Variants in ZNF519 observed in about 807,000 individuals in gnomAD.
The protein encoded by ZNF519 is zinc finger protein 519, also known as similar to Zinc finger protein 85 (Zinc finger protein HPF4) (HTF1).
Under a neutral mutation model 7.4 loss-of-function variants are expected in ZNF519, and 7 were observed. The ratio of observed to expected loss-of-function variants is 0.94; its 90% confidence interval spans 0.54 to 1.77. The LOEUF (loss-of-function observed/expected upper bound fraction) is 1.77. ZNF519 is among the 40% of genes most tolerant of loss of function. The pLI, the probability that ZNF519 is intolerant of heterozygous loss-of-function variation, is 0.00. For synonymous variants in ZNF519, 179 were observed against 203.3 expected (o/e 0.88, Z 1.02); for missense variants, 586 against 623.1 (o/e 0.94, Z 0.63).
At chr18:14,088,354 T>C (rs2046100218) in intron 2 of ZNF519, among the ~76,000 whole-genome samples, 1 of 152,172 alleles carries the variant, frequency 6.6e-6, no homozygotes, top group Admixed American at 6.5e-5. Context: ...CCATAGTCAG[T>C]TCCCCTGATC....
chr18:14,121,071 T>TAAGGCAAACACAGA lies in ZNF519; in HGVS notation c.130+3265_130+3278dup, dbSNP rs1431679549. On this transcript the variant is annotated intron_variant, in intron 2 of 2. Transcript: ENST00000590202. ...CTGGAGGACATTATGCTAAATGAAA[T>TAAGGCAAACACAGA]AAGGCAAACACAGAAAGACAAACTG... 2.0e-5 allele frequency among the ~76,000 whole-genome samples: 3 copies of TAAGGCAAACACAGA among 152,044 alleles called. No homozygotes were observed. In the East Asian group the frequency reaches 5.8e-4, roughly 29 times the overall value.
chr18:14,115,741 T>C (rs1253021929), intron 2 of ZNF519, among the ~76,000 whole-genome samples: 3 of 152,114 alleles, frequency 2.0e-5, no homozygotes, highest in African/African-American at 7.2e-5. Flanking sequence ...AAGCAGAAAA[T>C]GTTGTTATAT....
intron 2 of ZNF519, among the ~76,000 whole-genome samples, chr18:14,107,615 A>C (rs1363114692): frequency 6.6e-6 from 1 of 152,122 alleles, no homozygotes; most frequent in Admixed American, 6.5e-5. Context: ...AAGAGCATCA[A>C]GTGGGCTCTT....
At chr18:14,119,051 G>C (rs956796473) in intron 2 of ZNF519, among the ~76,000 whole-genome samples, 2 of 152,092 alleles carry the variant, frequency 1.3e-5, no homozygotes, top group African/African-American at 4.8e-5. Context: ...CTCTACCCTA[G>C]TGCCTGCCAT....
Position 14,104,883 on chromosome 18 carries a change from G to C in ZNF519, c.*34C>G. ...TGAGTAAGGTGTGAGCACCAGTTTA[G>C]GGTTTTAGCACATTCTTTACACTTG... On this transcript the variant is annotated 3_prime_UTR_variant, in exon 3 of 3. Transcript: ENST00000590202. 8 of 1,489,414 alleles carry C rather than the reference G, an allele frequency of 5.4e-6. No homozygotes were observed. Among genetic ancestry groups the C allele is most frequent in the South Asian group, 3.0e-5 (2 of 65,700 alleles). The allele number at this position is 1,489,414 out of a possible 1,614,324, so 92.3% of individuals were successfully genotyped here.
At chr18:14,132,186 C>T in intron 1 of ZNF519, 89 bp downstream of exon 1, 2 of 1,508,842 alleles carry the variant, frequency 1.3e-6, no homozygotes, top group Non-Finnish European at 9.2e-7. Context: ...GCAGACTCGA[C>T]TCGCAGACTA....
chr18:14,130,926 C>G (rs138756769), intron 1 of ZNF519, among the ~76,000 whole-genome samples: 208 of 152,062 alleles, frequency 1.4e-3, no homozygotes, highest in African/African-American at 4.6e-3. Flanking sequence ...CTCTCACCCC[C>G]AGGGCATTCA....
chr18:14,111,183 A>AC (rs949180735), intron 2 of ZNF519, among the ~76,000 whole-genome samples: 1 of 151,214 alleles, frequency 6.6e-6, no homozygotes, highest in Non-Finnish European at 1.5e-5. Context: ...AAAAAAAAAA[A>AC]AAAAACCTTT....
chr18:14,130,326 G>C (rs1367942021), intron 1 of ZNF519, among the ~76,000 whole-genome samples: 1 of 152,012 alleles, frequency 6.6e-6, no homozygotes, highest in East Asian at 1.9e-4. Flanking sequence ...CTCTGATTTA[G>C]AATCTGATTT....
At chr18:14,107,258 A>G (rs552444845) in intron 2 of ZNF519, among the ~76,000 whole-genome samples, 12 of 152,306 alleles carry the variant, frequency 7.9e-5, no homozygotes, top group Admixed American at 4.6e-4. Flanking sequence ...GGATACCAGC[A>G]AGGCCACCAG....
chr18:14,080,323 T>TTG (rs1326066937), intron 3 of ZNF519: 1 of 90,802 alleles, frequency 1.1e-5, no homozygotes, highest in Non-Finnish European at 2.7e-5. Context: ...CAGTTTTTTT[T>TTG]TTTTTTTTTT....
chr18:14,108,614 TA>T (rs34504051), intron 2 of ZNF519, among the ~76,000 whole-genome samples: 1,821 of 134,846 alleles, frequency 0.014, 30 homozygotes, highest in African/African-American at 0.041. Context: ...GCTAAATGGA[TA>T]AAAAAAAAAA....
intron 3 of ZNF519, among the ~76,000 whole-genome samples, chr18:14,078,962 A>AT (rs1304017932): frequency 2.8e-4 from 43 of 152,328 alleles, no homozygotes; most frequent in Middle Eastern, 3.4e-3. Flanking sequence ...CCCAAAGCCA[A>AT]TTAAGAGGCA....
chr18:14,101,595 A>G lies in ZNF519; in HGVS notation c.*3322T>C, dbSNP rs2046161623. ...GCCAAGGCACAAAGTCCTGTGAGTC[A>G]TCAAGGTGGAGTCCTGGCAGAAGGC... is the stretch of plus-strand genomic sequence containing the variant. On this transcript the variant is annotated 3_prime_UTR_variant, in exon 3 of 3. Coordinates refer to ENST00000590202, the MANE Select transcript of ZNF519 (RefSeq NM_145287.4). 1 of 398,430 alleles carries G rather than the reference A, an allele frequency of 2.5e-6. No homozygotes were observed. The highest frequency in any genetic ancestry group is 4.4e-6 in the Non-Finnish European group (1 of 226,000). The allele number at this position is 398,430 out of a possible 1,614,324, so 24.7% of individuals were successfully genotyped here.
In ZNF519 at chr18:14,106,205, T is replaced by C. The variant is rs1445463151; in HGVS notation, c.335A>G (p.His112Arg). Residue 112 changes from histidine to arginine, a missense_variant, in exon 3 of 3, where the codon CAT becomes CGT. Coordinates refer to ENST00000590202, the MANE Select transcript of ZNF519 (RefSeq NM_145287.4). ...TTCTTTGTCTCCTTTCACAGTTAAATGTTTGTTATGACTAGTTGTCAAATA... is the reference window on the plus strand; with the variant it reads ...TTCTTTGTCTCCTTTCACAGTTAAACGTTTGTTATGACTAGTTGTCAAATA... ...SQYLTTSHNK[H>R]LTVKGDKEYR... 6.2e-7 allele frequency: 1 copy of C among 1,613,098 alleles called. No homozygotes were observed. The highest frequency in any genetic ancestry group is 8.5e-7 in the Non-Finnish European group (1 of 1,179,794).
intron 1 of ZNF519, among the ~76,000 whole-genome samples, chr18:14,128,524 T>C (rs528448537): frequency 6.6e-6 from 1 of 152,204 alleles, no homozygotes; most frequent in South Asian, 2.1e-4. Flanking sequence ...AAAAATAAAC[T>C]TCCCTCATCT....
intron 2 of ZNF519, among the ~76,000 whole-genome samples, chr18:14,113,856 TCTCA>T (rs1470928433): frequency 6.7e-6 from 1 of 150,246 alleles, no homozygotes; most frequent in East Asian, 2.0e-4. Context: ...TGAGATAACA[TCTCA>T]CTGTCATTTT....
downstream of ZNF519, among the ~76,000 whole-genome samples, chr18:14,098,124 C>T (rs139655305): frequency 7.9e-5 from 12 of 152,082 alleles, no homozygotes; most frequent in South Asian, 1.7e-3. Context: ...TTTCACTGTC[C>T]CTGTTGAAAA....
In ZNF519 at chr18:14,105,429, T is replaced by C. The variant is rs780403730; in HGVS notation, c.1111A>G (p.Thr371Ala). 6.8e-6 allele frequency: 11 copies of C among 1,613,938 alleles called. No homozygotes were observed. In the South Asian group the frequency reaches 7.7e-5, roughly 11 times the overall value. ...SYLTQHQRIH[T>A]GEKPFRCKEC... The stretch of plus-strand genomic sequence containing the variant: ...TTACATCTGAAAGGTTTCTCTCCGG[T>C]ATGGATTCTCTGGTGTTGAGTAAGG... Residue 371 changes from threonine (T) to alanine (A), a missense_variant, in exon 3 of 3, where the codon ACC becomes GCC. Coordinates refer to ENST00000590202, the MANE Select transcript of ZNF519 (RefSeq NM_145287.4).
Sources: gnomAD v4.1 joint callset for allele counts (sites outside exome capture counted in the v4.1 genomes callset) on GRCh38, gnomAD v4.1.1 for gene constraint, MANE v1.5 for transcripts, NCBI Gene and HGNC (gene_info 2026-07-23, HGNC 2026-07-21) for gene names.